The following RARB variants were observed in gnomAD, a reference collection of about 807,000 sequenced individuals.
RARB encodes HBV-activated protein.
A neutral mutation model predicts 51.9 loss-of-function variants in RARB; 17 were observed. The ratio of observed to expected loss-of-function variants is 0.33; its 90% confidence interval spans 0.22 to 0.49. The LOEUF is 0.49. RARB is among the 20% of genes least tolerant of loss of function. The probability of loss-of-function intolerance (pLI) is 0.99; values close to 1 mark genes in which losing one functional copy is unlikely to be tolerated. For synonymous variants in RARB, 215 were observed against 195.4 expected (o/e 1.10, Z -0.84); for missense variants, 369 against 550.8 (o/e 0.67, Z 3.30).
chr3:25,243,498 A>AT, intron 5 of RARB, among the ~76,000 whole-genome samples: 1 of 152,196 alleles, frequency 6.6e-6, no homozygotes, highest in African/African-American at 2.4e-5. Context: ...TACCTAGTTT[A>AT]TTGAGTGTTT....
chr3:25,218,376 C>T (rs1360127992), intron 5 of RARB, among the ~76,000 whole-genome samples: 1 of 152,144 alleles, frequency 6.6e-6, no homozygotes, highest in African/African-American at 2.4e-5. Context: ...CCCAACAAGG[C>T]CCCTTTAAAT....
At position 25,546,031 on chromosome 3, in the gene RARB, A is replaced by G. The variant is rs548285015; in HGVS notation, c.449-23727A>G. Among the ~76,000 whole-genome samples the G allele has an allele frequency of 7.7e-4, 117 of 152,032 alleles. No individual in the cohort carries two copies. The Middle Eastern group carries it at 0.017, about 22-fold the overall frequency. On this transcript the variant is annotated intron_variant, in intron 3 of 7. Transcript: ENST00000330688. ...ACTCAAAGGAGGTGAGGGAGACAGC[A>G]GACATCTGGGAGGGGAGAAGGGGAG... is the stretch of plus-strand genomic sequence containing the variant.
At chr3:24,857,989 T>C (rs1702666796) in intron 1 of RARB, among the ~76,000 whole-genome samples, 1 of 152,160 alleles carries the variant, frequency 6.6e-6, no homozygotes, top group Non-Finnish European at 1.5e-5. Flanking sequence ...TCAAAGAGGA[T>C]CTCTGAGGCA....
intron 4 of RARB, among the ~76,000 whole-genome samples, chr3:25,575,711 C>T (rs1700900295): frequency 6.6e-6 from 1 of 152,196 alleles, no homozygotes; most frequent in South Asian, 2.1e-4. Context: ...CCAAGTCATA[C>T]TGGATTAGGG....
At chr3:25,046,186 C>CT (rs981027334) in intron 2 of RARB, among the ~76,000 whole-genome samples, 2 of 152,170 alleles carry the variant, frequency 1.3e-5, no homozygotes, top group Non-Finnish European at 2.9e-5. Flanking sequence ...ACCGCTGGGC[C>CT]TGTTGGCCTG....
intron 5 of RARB, among the ~76,000 whole-genome samples, chr3:25,381,785 T>C (rs1706633983): frequency 6.6e-6 from 1 of 152,168 alleles, no homozygotes; most frequent in Non-Finnish European, 1.5e-5. Flanking sequence ...CTACCCCTGG[T>C]CAACTGAATG....
chr3:25,100,863 A>G (rs1406908576), intron 3 of RARB, among the ~76,000 whole-genome samples: 1 of 152,200 alleles, frequency 6.6e-6, no homozygotes, highest in Non-Finnish European at 1.5e-5. Flanking sequence ...AAGTAGAGGA[A>G]CTTGGATCAT....
intron 1 of RARB, chr3:25,441,569 C>A (rs1708687242): frequency 6.5e-6 from 1 of 153,876 alleles, no homozygotes; most frequent in Admixed American, 6.5e-5. Context: ...CCCCCTTCTC[C>A]TTCGCCCAGA....
chr3:24,867,481 T>C (rs1702872249), intron 2 of RARB, among the ~76,000 whole-genome samples: 1 of 152,118 alleles, frequency 6.6e-6, no homozygotes. Flanking sequence ...TCAGGCCAGC[T>C]TGGCACCAAG....
chr3:24,903,895 TATAGTG>T (rs1694785831), intron 2 of RARB, among the ~76,000 whole-genome samples: 4 of 152,188 alleles, frequency 2.6e-5, no homozygotes, highest in Admixed American at 2.0e-4. Context: ...AGTTATATGG[TATAGTG>T]ATCTAGATAC....
chr3:25,322,077 A>G (rs1350522177), intron 5 of RARB, among the ~76,000 whole-genome samples: 1 of 152,184 alleles, frequency 6.6e-6, no homozygotes, highest in African/African-American at 2.4e-5. Context: ...CAGCAATCAA[A>G]ACAGTAAGTT....
chr3:25,332,705 G>A (rs1704939471), intron 5 of RARB, among the ~76,000 whole-genome samples: 1 of 152,154 alleles, frequency 6.6e-6, no homozygotes, highest in South Asian at 2.1e-4. Flanking sequence ...GAAATAAAGG[G>A]TATTCAATTA....
At chr3:25,216,134 C>A (rs1019807524) in intron 5 of RARB, among the ~76,000 whole-genome samples, 2 of 152,058 alleles carry the variant, frequency 1.3e-5, no homozygotes, top group Non-Finnish European at 2.9e-5. Flanking sequence ...TAAAGGTGGA[C>A]ACCTCAAACC....
chr3:25,217,724 T>A (rs981889623), intron 5 of RARB, among the ~76,000 whole-genome samples: 1 of 152,188 alleles, frequency 6.6e-6, no homozygotes, highest in Non-Finnish European at 1.5e-5. Flanking sequence ...CTCAGTGTAA[T>A]GTATTAATTG....
At chr3:25,111,014 T>C (rs564057973) in intron 3 of RARB, among the ~76,000 whole-genome samples, 1 of 152,318 alleles carries the variant, frequency 6.6e-6, no homozygotes, top group African/African-American at 2.4e-5. Context: ...TAGGGAGATA[T>C]TTCTAACATC....
chr3:25,188,983 T>C (rs1398766553), intron 5 of RARB, among the ~76,000 whole-genome samples: 1 of 152,136 alleles, frequency 6.6e-6, no homozygotes, highest in Non-Finnish European at 1.5e-5. Flanking sequence ...TAAATGTTGC[T>C]CAAACAAACT....
At chr3:25,132,240 T>A (rs1178895631) in intron 4 of RARB, among the ~76,000 whole-genome samples, 1 of 151,864 alleles carries the variant, frequency 6.6e-6, no homozygotes, top group Non-Finnish European at 1.5e-5. Flanking sequence ...GTGCTCATAA[T>A]CATGGGAAAA....
chr3:25,515,162 C>T (rs753740614), intron 3 of RARB, among the ~76,000 whole-genome samples: 3 of 152,168 alleles, frequency 2.0e-5, no homozygotes, highest in Non-Finnish European at 4.4e-5. Context: ...TTTGTTTTTA[C>T]AAATAGTGCC....
At chr3:24,938,767 C>T (rs921934739) in intron 2 of RARB, among the ~76,000 whole-genome samples, 1 of 152,140 alleles carries the variant, frequency 6.6e-6, no homozygotes, top group Non-Finnish European at 1.5e-5. Flanking sequence ...TGTTCTTTGT[C>T]TCTATGAATT....
Sources: gnomAD v4.1 joint callset for allele counts (sites outside exome capture counted in the v4.1 genomes callset) on GRCh38, gnomAD v4.1.1 for gene constraint, MANE v1.5 for transcripts, NCBI Gene and HGNC (gene_info 2026-07-23, HGNC 2026-07-21) for gene names.